The following CSAD variants were observed in gnomAD, a reference collection of about 807,000 sequenced individuals.
CSAD encodes the protein cysteine sulfinic acid decarboxylase.
In CSAD, 47 loss-of-function variants were observed where a neutral mutation model predicts 61.5. The observed-to-expected ratio is 0.76, with a 90% confidence interval of 0.60 to 0.97. The LOEUF is 0.97. CSAD is among the 50% of genes least tolerant of loss of function. The probability of loss-of-function intolerance (pLI) is 0.00; values close to 1 mark genes in which losing one functional copy is unlikely to be tolerated. For synonymous variants in CSAD, 245 were observed against 252.7 expected (o/e 0.97, Z 0.29); for missense variants, 611 against 643.6 (o/e 0.95, Z 0.55).
chr12:53,170,456 G>A lies in CSAD; in HGVS notation c.614C>T (p.Thr205Ile). 6.2e-7 allele frequency: 1 copy of A among 1,614,168 alleles called. No individual in the cohort carries two copies. Among genetic ancestry groups the A allele is most frequent in the Non-Finnish European group, 8.5e-7 (1 of 1,180,032 alleles). The change falls in exon 9 of 17, where the codon ACC (threonine) becomes ATC (isoleucine). Residue 205 changes from threonine (T) to isoleucine (I), a missense_variant. Thr to Ile is a moderately conservative substitution (Grantham distance 89). Transcript: ENST00000444623. ...QKGAAFLGLG[T>I]DSVRVVKADE... ...AGCCTTGACCACTCGGACACTGTCGGTGCCAAGTCCCAGAAACGCAGCTCC... is the reference window on the plus strand; with the variant it reads ...AGCCTTGACCACTCGGACACTGTCGATGCCAAGTCCCAGAAACGCAGCTCC...
At chr12:53,164,691 A>G (rs533541145) in intron 10 of CSAD, 25 of 152,366 alleles carry the variant, frequency 1.6e-4, no homozygotes, top group African/African-American at 5.3e-4. Context: ...ATATACCCTT[A>G]TAACAAACCT....
intron 1 of CSAD, chr12:53,180,070 G>C: frequency 7.1e-7 from 1 of 1,403,234 alleles, no homozygotes; most frequent in Middle Eastern, 2.5e-4. Flanking sequence ...GGGATTCGCA[G>C]AGGAGGGCTG....
intron 4 of CSAD, among the ~76,000 whole-genome samples, chr12:53,172,927 G>A (rs571604835): frequency 3.9e-5 from 6 of 152,324 alleles, no homozygotes; most frequent in Non-Finnish European, 8.8e-5. Context: ...GAAGGCTTGG[G>A]CCAGGCGTGG....
At chr12:53,168,167 A>G (rs932226859) in intron 10 of CSAD, among the ~76,000 whole-genome samples, 3 of 152,364 alleles carry the variant, frequency 2.0e-5, no homozygotes, top group Admixed American at 6.5e-5. Flanking sequence ...CAACAGGCAA[A>G]TCTATACAGA....
chr12:53,169,614 A>G (rs2121505953), intron 10 of CSAD, among the ~76,000 whole-genome samples: 1 of 152,288 alleles, frequency 6.6e-6, no homozygotes, highest in Non-Finnish European at 1.5e-5. Flanking sequence ...AAAAATAAAT[A>G]AAATTGTATA....
chr12:53,165,585 C>A (rs1939830940), intron 10 of CSAD, among the ~76,000 whole-genome samples: 1 of 150,074 alleles, frequency 6.7e-6, no homozygotes, highest in Non-Finnish European at 1.5e-5. Context: ...ATGGTGTGAA[C>A]CTGGGAGGCG....
chr12:53,172,299 A>G, intron 6 of CSAD, 47 bp downstream of exon 6: 2 of 1,555,316 alleles, frequency 1.3e-6, no homozygotes, highest in South Asian at 1.1e-5. Context: ...CCTCTCTAGC[A>G]AACCTAAATC....
chr12:53,177,904 T>C (rs113269292), intron 2 of CSAD: 5,161 of 154,758 alleles, frequency 0.033, 285 homozygotes, highest in African/African-American at 0.12. Context: ...TCTCCCAGAG[T>C]GCTGGGATTA....
intron 10 of CSAD, among the ~76,000 whole-genome samples, chr12:53,161,999 C>A (rs35987362): frequency 0.065 from 9,848 of 151,980 alleles, 384 homozygotes; most frequent in East Asian, 0.16. Flanking sequence ...GTGGCTCACA[C>A]CTGTAATCCC....
At chr12:53,171,552 G>C in intron 7 of CSAD, 111 bp from the exon 8 acceptor site, 1 of 1,016,166 alleles carries the variant, frequency 9.8e-7, no homozygotes, top group Non-Finnish European at 1.5e-6. Flanking sequence ...GGTATGACTG[G>C]CTCCCAGGCC....
At chr12:53,170,578 T>C in intron 8 of CSAD, 76 bp from the exon 9 acceptor site, 1 of 1,107,156 alleles carries the variant, frequency 9.0e-7, no homozygotes, top group Admixed American at 1.7e-5. Flanking sequence ...AAGTGTGAGC[T>C]CCAACAAATG....
intron 1 of CSAD, chr12:53,180,490 GCGCCCCGGCCACGGCGCA>G (rs1186965003): frequency 4.9e-6 from 6 of 1,224,748 alleles, no homozygotes; most frequent in South Asian, 1.4e-5. Flanking sequence ...CGGCCGGGGC[GCGCCCCGGCCACGGCGCA>G]CGCGCCGGCC....
chr12:53,172,074 G>T, intron 6 of CSAD, 86 bp from the exon 7 acceptor site: 1 of 955,866 alleles, frequency 1.0e-6, no homozygotes, highest in Non-Finnish European at 1.6e-6. Context: ...TCACAAAAAG[G>T]AGGCAGTGAA....
chr12:53,167,194 G>T (rs1468143953), intron 10 of CSAD, among the ~76,000 whole-genome samples: 1 of 152,218 alleles, frequency 6.6e-6, no homozygotes, highest in Non-Finnish European at 1.5e-5. Context: ...CCCCAAGCAA[G>T]TATCCATGGA....
Position 53,158,596 on chromosome 12 carries a change from C to A in CSAD, c.1397G>T (p.Arg466Leu). The A allele has an allele frequency of 6.2e-7, 1 of 1,614,196 alleles. No homozygotes were observed. The highest frequency in any genetic ancestry group is 8.5e-7 in the Non-Finnish European group (1 of 1,180,030). Reference protein sequence around the residue: ...QPHGTRGNFFRVVVANSALTC... With the variant: ...QPHGTRGNFFLVVVANSALTC... ...CAGTGCAGAGTTGGCCACAACCACA[C>A]GGAAGAAGTTGCCCCGGGTCCCGTG... Residue 466 changes from arginine to leucine, a missense_variant, in exon 17 of 17, where the codon CGT becomes CTT. Coordinates refer to ENST00000444623, the MANE Select transcript of CSAD (RefSeq NM_001244705.2).
chr12:53,180,543 C>G, intron 1 of CSAD, 189 bp downstream of exon 1: 1 of 1,278,890 alleles, frequency 7.8e-7, no homozygotes, highest in Non-Finnish European at 1.0e-6. Flanking sequence ...TCCATGCCCT[C>G]GGCGCACGGC....
intron 10 of CSAD, chr12:53,166,441 AG>A: frequency 6.4e-6 from 1 of 156,782 alleles, no homozygotes. Context: ...GGTGGCTGCC[AG>A]GGGCTGGAAG....
intron 13 of CSAD, 32 bp downstream of exon 13, chr12:53,160,731 T>C (rs1939181442): frequency 6.6e-7 from 1 of 1,525,104 alleles, no homozygotes; most frequent in Non-Finnish European, 8.9e-7. Flanking sequence ...CAGAGAGAGG[T>C]GGGGCTGGTG....
At chr12:53,159,242 G>C (rs537854923) in intron 16 of CSAD, among the ~76,000 whole-genome samples, 29 of 152,226 alleles carry the variant, frequency 1.9e-4, no homozygotes, top group Admixed American at 5.2e-4. Context: ...ATATAACACA[G>C]CTCCTCGCCT....
Sources: gnomAD v4.1 joint callset for allele counts (sites outside exome capture counted in the v4.1 genomes callset) on GRCh38, gnomAD v4.1.1 for gene constraint, MANE v1.5 for transcripts, NCBI Gene and HGNC (gene_info 2026-07-23, HGNC 2026-07-21) for gene names.